The following PTPN14 variants were observed in gnomAD, a reference collection of about 807,000 sequenced individuals.
The protein encoded by PTPN14 is protein tyrosine phosphatase non-receptor type 14, also known as tyrosine-protein phosphatase non-receptor type 14.
Under a neutral mutation model 126.8 loss-of-function variants are expected in PTPN14, and 53 were observed. The observed-to-expected ratio is 0.42, with a 90% CI of 0.34 to 0.53. PTPN14 has a LOEUF of 0.53. Ranked by LOEUF, PTPN14 falls within the 20% of genes least tolerant of loss-of-function variation. PTPN14 has a pLI of 0.08. For missense variants in PTPN14, 1,257 were observed against 1,552.9 expected, an observed-to-expected ratio of 0.81 and a Z score of 3.20; for synonymous variants, 630 against 599.3, an observed-to-expected ratio of 1.05 and a Z score of -0.75.
chr1:214,520,762 G>GT (rs1304262974), intron 1 of PTPN14, among the ~76,000 whole-genome samples: 5 of 152,208 alleles, frequency 3.3e-5, no homozygotes, highest in African/African-American at 1.2e-4. Flanking sequence ...TCAGTCTTGT[G>GT]TTTAAGTGCC....
intron 3 of PTPN14, among the ~76,000 whole-genome samples, chr1:214,423,937 C>T (rs1017830337): frequency 1.8e-4 from 28 of 151,880 alleles, no homozygotes; most frequent in Admixed American, 1.7e-3. Flanking sequence ...GCAGAGTTCG[C>T]GCCACTGCAC....
In PTPN14 at chr1:214,433,061, G is replaced by A. The variant is rs559859260; in HGVS notation, c.345-18335C>T. 2.0e-5 allele frequency among the ~76,000 whole-genome samples: 3 copies of A among 151,980 alleles called. 1 individual carries two copies. Among genetic ancestry groups the A allele is most frequent in the South Asian group, 2.1e-4 (1 of 4,806 alleles). Reference sequence around the variant, plus strand: ...TAGGACTACAGGCGCCCACCACCACGCCCGGCTATTTTTTTGTATTTTTAG... The same window carrying A: ...TAGGACTACAGGCGCCCACCACCACACCCGGCTATTTTTTTGTATTTTTAG... On this transcript the variant is annotated intron_variant, in intron 3 of 18. Coordinates refer to ENST00000366956, the MANE Select transcript of PTPN14 (RefSeq NM_005401.5).
intron 2 of PTPN14, among the ~76,000 whole-genome samples, chr1:214,460,524 AACACACACAC>A (rs10522279): frequency 7.5e-6 from 1 of 132,670 alleles, no homozygotes; most frequent in South Asian, 2.5e-4. Flanking sequence ...TGAAAATTCC[AACACACACAC>A]ACACACACAC....
At chr1:214,362,328 T>C (rs1368483262) in intron 18 of PTPN14, among the ~76,000 whole-genome samples, 2 of 152,220 alleles carry the variant, frequency 1.3e-5, no homozygotes, top group African/African-American at 4.8e-5. Flanking sequence ...CTTGCTATCT[T>C]TGAATATCAA....
intron 3 of PTPN14, 71 bp downstream of exon 3, chr1:214,451,734 C>T (rs2102634470): frequency 6.5e-7 from 1 of 1,534,116 alleles, no homozygotes; most frequent in Non-Finnish European, 8.9e-7. Flanking sequence ...TCTACCAGCT[C>T]ATCTACTTCA....
At position 214,390,221 on chromosome 1, in the gene PTPN14, G is replaced by T. The variant is rs183080113; in HGVS notation, c.987+767C>A. ...AATCATGACCTAAAATAAAAGAATT[G>T]TGAGTTAAAACAAGTGGAAAACATT... On this transcript the variant is annotated intron_variant, in intron 11 of 18. Transcript: ENST00000366956. Among the ~76,000 whole-genome samples the T allele has an allele frequency of 2.6e-5, 4 of 152,276 alleles. No homozygotes were observed. The East Asian group carries it at 7.7e-4, about 29-fold the overall frequency.
At chr1:214,545,557 C>T (rs1232763634) in intron 1 of PTPN14, among the ~76,000 whole-genome samples, 1 of 152,114 alleles carries the variant, frequency 6.6e-6, no homozygotes, top group East Asian at 1.9e-4. Context: ...ATTCAAACCA[C>T]AGCAATGCTC....
intron 2 of PTPN14, among the ~76,000 whole-genome samples, chr1:214,456,434 T>A (rs533466888): frequency 6.6e-6 from 1 of 152,306 alleles, no homozygotes; most frequent in African/African-American, 2.4e-5. Context: ...TTCCAATGGC[T>A]TTGGAAAATA....
intron 2 of PTPN14, among the ~76,000 whole-genome samples, chr1:214,463,214 A>G (rs908245982): frequency 6.6e-6 from 1 of 152,248 alleles, no homozygotes; most frequent in Non-Finnish European, 1.5e-5. Flanking sequence ...GTTTTCTATA[A>G]GAACTTAGAC....
chr1:214,373,295 A>C (rs3002305), intron 15 of PTPN14, among the ~76,000 whole-genome samples: 122,788 of 152,040 alleles, frequency 0.81, 50,164 homozygotes, highest in African/African-American at 0.93. Context: ...TTCAGGTGAT[A>C]CGCCCATCTC....
chr1:214,399,746 A>G (rs538302034), intron 7 of PTPN14, among the ~76,000 whole-genome samples: 33 of 152,252 alleles, frequency 2.2e-4, no homozygotes, highest in African/African-American at 7.7e-4. Context: ...TTATTCAAAT[A>G]TTGGACATCC....
chr1:214,377,812 C>T, intron 14 of PTPN14, 147 bp downstream of exon 14: 1 of 1,012,618 alleles, frequency 9.9e-7, no homozygotes, highest in Non-Finnish European at 1.4e-6. Flanking sequence ...TGATTTAATG[C>T]AACACAGTTA....
chr1:214,437,685 C>G (rs1199044129), intron 3 of PTPN14, among the ~76,000 whole-genome samples: 1 of 152,168 alleles, frequency 6.6e-6, no homozygotes, highest in Non-Finnish European at 1.5e-5. Context: ...AAGACGCCCA[C>G]AATTTTTCTA....
At chr1:214,430,566 G>T (rs1262298976) in intron 3 of PTPN14, among the ~76,000 whole-genome samples, 1 of 152,212 alleles carries the variant, frequency 6.6e-6, no homozygotes, top group Non-Finnish European at 1.5e-5. Context: ...ACAGAGAAAA[G>T]ATGGACCACG....
In PTPN14 at chr1:214,449,011, C is replaced by CTTTTTTTTTTTTTTTTTT. The variant is rs71165970; in HGVS notation, c.344+2793_344+2794insAAAAAAAAAAAAAAAAAA. Reference sequence around the variant, plus strand: ...TGTGCCCTTGTAAGACTTAATTTTTCTTTTTTTTTTTTTGAGACGGAGTCT... The same window carrying CTTTTTTTTTTTTTTTTTT: ...TGTGCCCTTGTAAGACTTAATTTTTCTTTTTTTTTTTTTTTTTTTTTTTTTTTTTTTGAGACGGAGTCT... On this transcript the variant is annotated intron_variant, in intron 3 of 18. Coordinates refer to ENST00000366956, the MANE Select transcript of PTPN14 (RefSeq NM_005401.5). 8.4e-4 allele frequency among the ~76,000 whole-genome samples: 94 copies of CTTTTTTTTTTTTTTTTTT among 112,446 alleles called. 15 individuals carry two copies. Among genetic ancestry groups the CTTTTTTTTTTTTTTTTTT allele is most frequent in the East Asian group, 2.1e-3 (7 of 3,310 alleles). 73.8% of individuals were successfully genotyped at this position (112,446 alleles called of 152,430 possible). A position where few individuals can be genotyped will look rare whatever the true frequency, so the allele number is the denominator to read the frequency against.
chr1:214,384,840 C>G lies in PTPN14; in HGVS notation c.1067-52G>C, dbSNP rs776502307. ...GAACCTCCAAGCCATCCTGCCACAA[C>G]AAAGTACATCCTCATACTCATGAGG... On this transcript the variant is annotated intron_variant, in intron 12 of 18. Coordinates refer to ENST00000366956, the MANE Select transcript of PTPN14 (RefSeq NM_005401.5). The surrounding 1 kb of genome is among the most constrained non-coding windows in gnomAD (Gnocchi z 5.3). The G allele has an allele frequency of 6.4e-7, 1 of 1,566,600 alleles. No individual in the cohort carries two copies.
chr1:214,436,817 TTTGTCAGAATATTAGCTCTCAGGATAA>T (rs1659930599), intron 3 of PTPN14, among the ~76,000 whole-genome samples: 1 of 11,178 alleles, frequency 8.9e-5, no homozygotes, highest in South Asian at 1.4e-3. Context: ...AAAAAAAAGG[TTTGTCAGAATATTAGCTCTCAGGATAA>T]TGCTTTTCAA....
At position 214,414,519 on chromosome 1, in the gene PTPN14, C is replaced by T. The variant is rs550862351; in HGVS notation, c.442+110G>A. ...AAGATAACTTGAAATAAAAAGGGAG[C>T]ATTACTAAGGGATCATTTAAGTAAA... On this transcript the variant is annotated intron_variant, in intron 4 of 18. Transcript: ENST00000366956. 4.2e-6 allele frequency: 4 copies of T among 946,052 alleles called. No homozygotes were observed. The South Asian group carries it at 6.2e-5, about 15-fold the overall frequency. 58.6% of individuals were successfully genotyped at this position (946,052 alleles called of 1,614,324 possible). A position where few individuals can be genotyped will look rare whatever the true frequency, so the allele number is the denominator to read the frequency against.
chr1:214,351,639 G>A lies in PTPN14; in HGVS notation c.*6283C>T, dbSNP rs2102492443. On this transcript the variant is annotated 3_prime_UTR_variant, in exon 19 of 19. Transcript: ENST00000366956. The stretch of plus-strand genomic sequence containing the variant: ...TGCCAGCAGCAGGCGAGGGAAGATG[G>A]TGCTTTTGATCAGCAAATCCAGGCA... The A allele has an allele frequency of 6.6e-6, 1 of 152,406 alleles. No individual in the cohort carries two copies. Among genetic ancestry groups the A allele is most frequent in the East Asian group, 1.9e-4 (1 of 5,188 alleles). The allele number at this position is 152,406 out of a possible 1,614,324, so 9.4% of individuals were successfully genotyped here.
Sources: allele counts gnomAD v4.1 joint callset (sites outside exome capture counted in the v4.1 genomes callset), GRCh38; gene constraint gnomAD v4.1.1; non-coding constraint Gnocchi (gnomAD v3.1); transcripts MANE v1.5; gene names NCBI Gene and HGNC (gene_info 2026-07-23, HGNC 2026-07-21).